SDK2: variants seen among roughly 807,000 people sequenced by gnomAD.
The protein encoded by SDK2 is protein sidekick-2.
A neutral mutation model predicts 253.9 loss-of-function variants in SDK2; 105 were observed. The ratio of observed to expected loss-of-function variants is 0.41; its 90% CI spans 0.35 to 0.49. SDK2 has a LOEUF of 0.49. SDK2 is among the 20% of genes least tolerant of loss of function. SDK2 has a pLI of 0.06. For missense variants in SDK2, 2,608 were observed against 3,003.0 expected, an observed-to-expected ratio of 0.87 and a Z score of 3.07; for synonymous variants, 1,249 against 1,234.9, an observed-to-expected ratio of 1.01 and a Z score of -0.24.
chr17:73,452,244 C>T (rs934783041), intron 4 of SDK2, among the ~76,000 whole-genome samples: 2 of 152,194 alleles, frequency 1.3e-5, no homozygotes, highest in African/African-American at 4.8e-5. Context: ...GTGAGAGCGG[C>T]TCTCTGTAGA....
intron 4 of SDK2, among the ~76,000 whole-genome samples, chr17:73,451,414 G>A (rs1206924688): frequency 6.6e-6 from 1 of 152,238 alleles, no homozygotes; most frequent in African/African-American, 2.4e-5. Flanking sequence ...TGAGGCAGGA[G>A]AATTGCTTGA....
intron 18 of SDK2, among the ~76,000 whole-genome samples, chr17:73,406,898 T>G (rs2063083725): frequency 6.6e-6 from 1 of 152,198 alleles, no homozygotes; most frequent in African/African-American, 2.4e-5. Context: ...AATTGGAAAC[T>G]ACGTTCAGTA....
intron 18 of SDK2, among the ~76,000 whole-genome samples, chr17:73,403,833 G>A (rs1319236983): frequency 6.6e-6 from 1 of 152,128 alleles, no homozygotes; most frequent in African/African-American, 2.4e-5. Context: ...TCCGTATTTC[G>A]ATTATCTTGT....
At position 73,628,078 on chromosome 17, in the gene SDK2, C is replaced by CA. The variant is rs372806362; in HGVS notation, c.64+15946dup. 2.3e-3 allele frequency among the ~76,000 whole-genome samples: 348 copies of CA among 152,158 alleles called. 2 individuals are homozygous for CA. Among genetic ancestry groups the CA allele is most frequent in the African/African-American group, 7.9e-3 (328 of 41,420 alleles). On this transcript the variant is annotated intron_variant, in intron 1 of 44. Transcript: ENST00000392650. ...AAAACAAAACAAAACAAAACCAAACCAAAAAACACCACATTTAACAGATGA... is the reference window on the plus strand; with the variant it reads ...AAAACAAAACAAAACAAAACCAAACCAAAAAAACACCACATTTAACAGATGA...
At chr17:73,607,829 T>C (rs537035537) in intron 1 of SDK2, among the ~76,000 whole-genome samples, 38 of 151,348 alleles carry the variant, frequency 2.5e-4, no homozygotes, top group Middle Eastern at 3.5e-3. Context: ...GAAGGACACA[T>C]GCTCTGACTT....
At chr17:73,538,414 T>C (rs1163379229) in intron 1 of SDK2, among the ~76,000 whole-genome samples, 1 of 152,200 alleles carries the variant, frequency 6.6e-6, no homozygotes, top group African/African-American at 2.4e-5. Context: ...AAATGGATCA[T>C]TTAGGGTCTT....
chr17:73,566,989 G>A (rs981802542), intron 1 of SDK2, among the ~76,000 whole-genome samples: 2 of 152,032 alleles, frequency 1.3e-5, no homozygotes, highest in East Asian at 3.9e-4. Flanking sequence ...ATAACCTCCT[G>A]CTAGATAAAT....
At chr17:73,555,980 C>G (rs373584961) in intron 1 of SDK2, among the ~76,000 whole-genome samples, 7 of 152,208 alleles carry the variant, frequency 4.6e-5, no homozygotes, top group Middle Eastern at 6.8e-3. Flanking sequence ...GCAGTGGATG[C>G]ACAGATGGGC....
chr17:73,462,449 T>TAC (rs949522044), intron 3 of SDK2, among the ~76,000 whole-genome samples: 2 of 8,758 alleles, frequency 2.3e-4, no homozygotes, highest in African/African-American at 2.6e-4. Flanking sequence ...TATATATATA[T>TAC]ACACACACAC....
intron 1 of SDK2, among the ~76,000 whole-genome samples, chr17:73,538,074 A>G (rs1269676761): frequency 1.3e-5 from 2 of 152,044 alleles, no homozygotes; most frequent in Non-Finnish European, 2.9e-5. Context: ...TACCTGGGAG[A>G]CAGACTTCTG....
intron 36 of SDK2, among the ~76,000 whole-genome samples, chr17:73,378,667 G>A (rs1273134976): frequency 3.3e-5 from 5 of 151,950 alleles, no homozygotes; most frequent in African/African-American, 4.8e-5. Flanking sequence ...TGATCTGCCC[G>A]CCTCGGCCTC....
chr17:73,388,440 T>C (rs1181136503), intron 29 of SDK2, among the ~76,000 whole-genome samples: 1 of 152,196 alleles, frequency 6.6e-6, no homozygotes, highest in African/African-American at 2.4e-5. Flanking sequence ...TTCCAGGCCC[T>C]AGCTTGGCTT....
intron 2 of SDK2, among the ~76,000 whole-genome samples, chr17:73,478,866 G>A (rs997864583): frequency 7.9e-5 from 12 of 152,248 alleles, no homozygotes; most frequent in Middle Eastern, 3.2e-3. Context: ...TAAATCAGAC[G>A]CCTGGAGATG....
Position 73,401,076 on chromosome 17 carries a change from G to T in SDK2, c.2915C>A (p.Thr972Asn). The T allele has an allele frequency of 3.2e-6, 5 of 1,573,850 alleles. No individual in the cohort carries two copies. The highest frequency in any genetic ancestry group is 4.3e-6 in the Non-Finnish European group (5 of 1,159,660). Residue 972 changes from threonine to asparagine, a missense_variant, in exon 21 of 45, where the codon ACC becomes AAC. Around this residue, in one of 2 missense-constraint regions of SDK2, gnomAD observed 1,505 missense variants for 1,859.1 expected, o/e 0.81. Transcript: ENST00000392650. The stretch of plus-strand genomic sequence containing the variant: ...GGACACTTGGCCCTGGCCCTTTGAG[G>T]TCATGGCGGCCACCTCGATGGTGTA... ...TTYTIEVAAMTSKGQGQVSAS... is the reference protein window; with the variant it reads ...TTYTIEVAAMNSKGQGQVSAS...
chr17:73,432,924 G>A (rs1168105723), intron 10 of SDK2, among the ~76,000 whole-genome samples: 2 of 152,156 alleles, frequency 1.3e-5, no homozygotes, highest in African/African-American at 4.8e-5. Context: ...CACACACAGA[G>A]GTGAAGAGGA....
chr17:73,340,227 G>A (rs2062423197), intron 44 of SDK2, among the ~76,000 whole-genome samples: 1 of 152,176 alleles, frequency 6.6e-6, no homozygotes, highest in South Asian at 2.1e-4. Context: ...CCATTCTAAA[G>A]TCTATGACTC....
At chr17:73,591,393 C>A (rs1048534756) in intron 1 of SDK2, among the ~76,000 whole-genome samples, 15 of 152,156 alleles carry the variant, frequency 9.9e-5, no homozygotes, top group East Asian at 1.9e-4. Flanking sequence ...CAGCACAACA[C>A]CTGCCCTGAG....
intron 1 of SDK2, among the ~76,000 whole-genome samples, chr17:73,615,799 C>T (rs1359263179): frequency 1.3e-5 from 2 of 152,180 alleles, no homozygotes; most frequent in Admixed American, 6.5e-5. Context: ...TATACATGCG[C>T]ACAAATATAT....
intron 44 of SDK2, among the ~76,000 whole-genome samples, 156 bp from the exon 45 acceptor site, chr17:73,339,096 G>C (rs932227706): frequency 6.6e-6 from 1 of 152,208 alleles, no homozygotes; most frequent in Admixed American, 6.5e-5. Flanking sequence ...TGCCAAGGGG[G>C]TCTGGTGCCC....
Sources: allele counts gnomAD v4.1 joint callset (sites outside exome capture counted in the v4.1 genomes callset), GRCh38; gene constraint gnomAD v4.1.1; regional missense constraint gnomAD v4.1.1; transcripts MANE v1.5; gene names NCBI Gene and HGNC (gene_info 2026-07-23, HGNC 2026-07-21).